The following SNTG1 variants were observed in gnomAD, a reference collection of about 807,000 sequenced individuals.
The protein encoded by SNTG1 is gamma-1-syntrophin.
In SNTG1, 39 loss-of-function variants were observed where a neutral mutation model predicts 74.7. That is an observed-to-expected ratio of 0.52 (90% CI 0.40 to 0.68). The LOEUF (loss-of-function observed/expected upper bound fraction) is 0.68. Among genes scored for constraint, SNTG1 ranks in the 30% least tolerant of loss-of-function variants. SNTG1 has a pLI of 0.00. For missense variants in SNTG1, 685 were observed against 609.5 expected (o/e 1.12, Z -1.30); for synonymous variants, 254 against 217.1 (o/e 1.17, Z -1.49).
chr8:50,235,244 A>G (rs1052077041), intron 2 of SNTG1, among the ~76,000 whole-genome samples: 2 of 152,098 alleles, frequency 1.3e-5, no homozygotes, highest in South Asian at 4.1e-4. Flanking sequence ...ATATGTGTAT[A>G]GTGGAATACT....
chr8:50,044,441 C>T (rs1291410670), intron 1 of SNTG1, among the ~76,000 whole-genome samples: 2 of 152,242 alleles, frequency 1.3e-5, no homozygotes, highest in South Asian at 2.1e-4. Context: ...ATTAAAATAA[C>T]ATAGTTGTGA....
intron 2 of SNTG1, among the ~76,000 whole-genome samples, chr8:50,244,207 G>A (rs998631096): frequency 7.9e-5 from 12 of 152,054 alleles, no homozygotes; most frequent in Admixed American, 2.0e-4. Context: ...GTACCCACTC[G>A]CTATCATGAG....
intron 17 of SNTG1, among the ~76,000 whole-genome samples, chr8:50,751,285 A>G (rs1401155004): frequency 6.6e-6 from 1 of 152,018 alleles, no homozygotes; most frequent in African/African-American, 2.4e-5. Context: ...TTTTAGTTTC[A>G]GGACATACCA....
chr8:49,956,515 G>A (rs574375919), intron 1 of SNTG1, among the ~76,000 whole-genome samples: 6 of 152,300 alleles, frequency 3.9e-5, no homozygotes, highest in Admixed American at 6.5e-5. Context: ...AGTTCATAGC[G>A]TAGGGTAGCT....
intron 1 of SNTG1, among the ~76,000 whole-genome samples, chr8:50,143,713 C>T (rs546778241): frequency 8.4e-4 from 128 of 152,246 alleles, no homozygotes; most frequent in Middle Eastern, 3.4e-3. Context: ...CTCTGTTGGT[C>T]TGGTTTAATT....
intron 17 of SNTG1, among the ~76,000 whole-genome samples, chr8:50,713,903 C>CA (rs762209210): frequency 4.6e-5 from 7 of 151,848 alleles, no homozygotes; most frequent in Non-Finnish European, 1.0e-4. Flanking sequence ...ACTAAAAATA[C>CA]AAAAAATTAG....
intron 1 of SNTG1, among the ~76,000 whole-genome samples, chr8:50,026,808 A>AT (rs1817302786): frequency 6.6e-6 from 1 of 152,174 alleles, no homozygotes; most frequent in African/African-American, 2.4e-5. Context: ...AAATTTATAG[A>AT]TTTTGCATTG....
chr8:50,467,983 T>A (rs1053661789), intron 8 of SNTG1, among the ~76,000 whole-genome samples: 15 of 151,006 alleles, frequency 9.9e-5, no homozygotes, highest in Admixed American at 3.3e-4. Flanking sequence ...AAATTCTTCA[T>A]TGTCTGGGAA....
rs537920215 is a variant in SNTG1, at chr8:50,619,695, C to A, written c.849+28778C>A. 4.6e-3 allele frequency among the ~76,000 whole-genome samples: 661 copies of A among 144,212 alleles called. 11 individuals carry two copies. Among genetic ancestry groups the A allele is most frequent in the African/African-American group, 0.016 (600 of 38,178 alleles). 94.6% of individuals were successfully genotyped at this position (144,212 alleles called of 152,430 possible). On this transcript the variant is annotated intron_variant, in intron 13 of 18. Transcript: ENST00000642720. ...GCAGTGAGCCGAGATCGTGCCACTGCACTGCAGCCTGGGCGACAGAGCGAG... is the reference window on the plus strand; with the variant it reads ...GCAGTGAGCCGAGATCGTGCCACTGAACTGCAGCCTGGGCGACAGAGCGAG...
chr8:50,583,626 C>A (rs190928300), intron 12 of SNTG1, among the ~76,000 whole-genome samples: 1 of 151,554 alleles, frequency 6.6e-6, no homozygotes, highest in Non-Finnish European at 1.5e-5. Context: ...TGCAGTAATA[C>A]GAATTTTCTT....
intron 4 of SNTG1, among the ~76,000 whole-genome samples, chr8:50,432,977 T>C (rs1485158469): frequency 6.6e-6 from 1 of 151,818 alleles, no homozygotes; most frequent in Non-Finnish European, 1.5e-5. Flanking sequence ...TTAGTAGAGA[T>C]GGGGGTTTCA....
chr8:50,723,828 A>G (rs1231806334), intron 17 of SNTG1, among the ~76,000 whole-genome samples: 1 of 152,138 alleles, frequency 6.6e-6, no homozygotes, highest in African/African-American at 2.4e-5. Flanking sequence ...GAGGGGTTTC[A>G]GAAGGTCTTT....
intron 2 of SNTG1, among the ~76,000 whole-genome samples, chr8:50,373,890 C>G (rs2092322483): frequency 6.6e-6 from 1 of 152,092 alleles, no homozygotes; most frequent in Admixed American, 6.6e-5. Context: ...AGGCTCCCAC[C>G]AACACCTTTA....
At chr8:50,748,946 T>C (rs2095561157) in intron 17 of SNTG1, among the ~76,000 whole-genome samples, 1 of 152,024 alleles carries the variant, frequency 6.6e-6, no homozygotes, top group Non-Finnish European at 1.5e-5. Context: ...GCAATGGACT[T>C]TCTAAGCATT....
At chr8:50,041,429 G>T (rs989443339) in intron 1 of SNTG1, among the ~76,000 whole-genome samples, 3 of 152,006 alleles carry the variant, frequency 2.0e-5, no homozygotes, top group Admixed American at 6.6e-5. Context: ...ATTTAATGTT[G>T]CAACATTAAT....
At chr8:50,710,220 G>A (rs16915275) in intron 17 of SNTG1, among the ~76,000 whole-genome samples, 15,553 of 152,154 alleles carry the variant, frequency 0.1, 2,230 homozygotes, top group African/African-American at 0.32. Context: ...GCCATCTAAT[G>A]TGTTGCCTTC....
chr8:50,612,977 G>GA lies in SNTG1; in HGVS notation c.849+22068dup, dbSNP rs764902059. Among the ~76,000 whole-genome samples, 342 of 151,502 alleles carry GA rather than the reference G, an allele frequency of 2.3e-3. 1 individual carries two copies. Among genetic ancestry groups the GA allele is most frequent in the African/African-American group, 7.6e-3 (314 of 41,250 alleles). On this transcript the variant is annotated intron_variant, in intron 13 of 18. Transcript: ENST00000642720. ...AATAAGATGAAAGCCAAGTGTACAG[G>GA]AAAAAAAACACTAGCCAGGATTACT...
intron 8 of SNTG1, among the ~76,000 whole-genome samples, chr8:50,485,312 CA>C (rs967646873): frequency 6.8e-4 from 103 of 152,010 alleles, no homozygotes; most frequent in African/African-American, 2.5e-3. Flanking sequence ...GCACAGAGGC[CA>C]AAAAAACACT....
chr8:49,957,650 T>C (rs1001588183), intron 1 of SNTG1, among the ~76,000 whole-genome samples: 2 of 152,208 alleles, frequency 1.3e-5, no homozygotes, highest in African/African-American at 4.8e-5. Flanking sequence ...AAAACTGGAA[T>C]GTCATTCAGT....
Sources: allele counts gnomAD v4.1 joint callset (sites outside exome capture counted in the v4.1 genomes callset), GRCh38; gene constraint gnomAD v4.1.1; transcripts MANE v1.5; gene names NCBI Gene and HGNC (gene_info 2026-07-23, HGNC 2026-07-21).